Variants in PPP4R3B observed in about 807,000 individuals in gnomAD.
PPP4R3B encodes the protein serine/threonine-protein phosphatase 4 regulatory subunit 3B.
In PPP4R3B, 52 loss-of-function variants were observed where a neutral mutation model predicts 95.4. The ratio of observed to expected loss-of-function variants is 0.54; its 90% CI spans 0.44 to 0.69. The LOEUF (loss-of-function observed/expected upper bound fraction) is 0.69. Among genes scored for constraint, PPP4R3B ranks in the 30% least tolerant of loss-of-function variants. PPP4R3B has a pLI of 0.00. For synonymous variants in PPP4R3B, 407 were observed against 343.9 expected, an observed-to-expected ratio of 1.18 and a Z score of -2.03; for missense variants, 1,003 against 1,005.9, an observed-to-expected ratio of 1.00 and a Z score of 0.04.
Position 55,586,714 on chromosome 2 carries a change from A to G in PPP4R3B, c.1020T>C (p.Phe340=). ...GTTGTAATGTCTGAGAAAATGCACAAAACTCCTTGAAAAAATTAACCTGTA... is the reference window on the plus strand; with the variant it reads ...GTTGTAATGTCTGAGAAAATGCACAGAACTCCTTGAAAAAATTAACCTGTA... ...RRELVNFFKE[F]CAFSQTLQPQ... The change falls in exon 6 of 17, where the codon TTT becomes TTC. Residue 340 remains phenylalanine, a synonymous_variant. Coordinates refer to ENST00000616407, the MANE Select transcript of PPP4R3B (RefSeq NM_001122964.3). 1.9e-6 allele frequency: 3 copies of G among 1,599,342 alleles called. No homozygotes were observed. The highest frequency in any genetic ancestry group is 2.6e-6 in the Non-Finnish European group (3 of 1,174,540).
chr2:55,604,197 C>A (rs1693067621), intron 2 of PPP4R3B, 121 bp from the exon 3 acceptor site: 1 of 548,278 alleles, frequency 1.8e-6, no homozygotes. Context: ...TATGAGTAAT[C>A]AATGTATATC....
At chr2:55,556,092 G>C (rs956620817) in intron 16 of PPP4R3B, among the ~76,000 whole-genome samples, 2 of 152,150 alleles carry the variant, frequency 1.3e-5, no homozygotes, top group African/African-American at 2.4e-5. Context: ...TAAACCAAAG[G>C]GCAATTGGTG....
Position 55,550,002 on chromosome 2 carries a change from C to T in PPP4R3B, c.2459G>A (p.Ser820Asn). The T allele has an allele frequency of 6.2e-7, 1 of 1,601,620 alleles. No individual in the cohort carries two copies. The highest frequency in any genetic ancestry group is 8.5e-7 in the Non-Finnish European group (1 of 1,177,026). ...LPTSVTATKG[S>N]LVGLVDYPDD... is the part of the protein sequence containing the mutation. ...TGGATAATCCACTAAGCCAACCAAA[C>T]TTCCCTATTGAAGAATTTAAAAATT... is the stretch of plus-strand genomic sequence containing the variant. Residue 820 changes from serine to asparagine, a missense_variant, in exon 17 of 17, where the codon AGT becomes AAT. Coordinates refer to ENST00000616407, the MANE Select transcript of PPP4R3B (RefSeq NM_001122964.3).
intron 2 of PPP4R3B, 116 bp from the exon 3 acceptor site, chr2:55,604,192 G>T: frequency 1.6e-6 from 1 of 610,360 alleles, no homozygotes; most frequent in Non-Finnish European, 2.7e-6. Flanking sequence ...CCCGATATGA[G>T]TAATCAATGT....
intron 16 of PPP4R3B, among the ~76,000 whole-genome samples, chr2:55,552,802 T>C (rs960148538): frequency 5.3e-5 from 8 of 152,178 alleles, no homozygotes; most frequent in Admixed American, 1.3e-4. Context: ...AACAGCAGTT[T>C]AGAGTTGCCA....
chr2:55,592,056 A>C (rs1691104768), intron 4 of PPP4R3B, among the ~76,000 whole-genome samples: 1 of 152,216 alleles, frequency 6.6e-6, no homozygotes, highest in Non-Finnish European at 1.5e-5. Context: ...TGGGGAAAAA[A>C]AGAGGTTGCT....
intron 11 of PPP4R3B, among the ~76,000 whole-genome samples, chr2:55,575,400 A>G (rs1005557649): frequency 2.0e-4 from 30 of 152,194 alleles, no homozygotes; most frequent in Admixed American, 1.4e-3. Flanking sequence ...AAGGGCTCAC[A>G]TGGACAATCA....
In PPP4R3B at chr2:55,604,096, T is replaced by G; in HGVS notation, c.199-20A>C. On this transcript the variant is annotated intron_variant, in intron 2 of 16. Transcript: ENST00000616407. ...TGTATCCTGTTTAAAAATAAATATT[T>G]CCATATCATCACACTAGAAAAGAGG... The G allele has an allele frequency of 1.3e-6, 2 of 1,557,400 alleles. No individual in the cohort carries two copies. The highest frequency in any genetic ancestry group is 1.8e-6 in the Non-Finnish European group (2 of 1,142,540).
rs1257757566 is a variant in PPP4R3B at position 55,575,592 on chromosome 2, T to C, written c.1606+1723A>G. ...TCCCTAGTAGCTGGGACCACAGGGA[T>C]ATACCACCATGCCCAGTATATTTTT... On this transcript the variant is annotated intron_variant, in intron 11 of 16. Transcript: ENST00000616407. Among the ~76,000 whole-genome samples, 5 of 152,188 alleles carry C rather than the reference T, an allele frequency of 3.3e-5. No individual in the cohort carries two copies. The East Asian group carries it at 7.8e-4, about 24-fold the overall frequency.
intron 16 of PPP4R3B, among the ~76,000 whole-genome samples, chr2:55,550,386 C>G (rs112578358): frequency 3.2e-4 from 48 of 152,238 alleles, no homozygotes; most frequent in African/African-American, 1.1e-3. Flanking sequence ...CAAGAAAGCC[C>G]CTTGTAGTCT....
At chr2:55,606,364 A>G (rs182205732) in intron 2 of PPP4R3B, among the ~76,000 whole-genome samples, 5 of 152,310 alleles carry the variant, frequency 3.3e-5, no homozygotes, top group Admixed American at 6.5e-5. Context: ...ATACCCAAAC[A>G]TAACAGTGGA....
In PPP4R3B at chr2:55,549,881, C is replaced by G; in HGVS notation, c.*30G>C. On this transcript the variant is annotated 3_prime_UTR_variant, in exon 17 of 17. Coordinates refer to ENST00000616407, the MANE Select transcript of PPP4R3B (RefSeq NM_001122964.3). The stretch of plus-strand genomic sequence containing the variant: ...ACTGAACAGTTGCAGCATTGTAAGA[C>G]CACATGTTGAGGGTCCCCTAATAAA... 6.6e-7 allele frequency: 1 copy of G among 1,504,900 alleles called. No homozygotes were observed. The allele number at this position is 1,504,900 out of a possible 1,614,324, so 93.2% of individuals were successfully genotyped here. A position where few individuals can be genotyped will look rare whatever the true frequency, so the allele number is the denominator to read the frequency against.
intron 4 of PPP4R3B, among the ~76,000 whole-genome samples, chr2:55,594,635 T>G (rs979970980): frequency 2.6e-5 from 4 of 152,192 alleles, no homozygotes; most frequent in African/African-American, 9.7e-5. Context: ...AAACAGTCAT[T>G]TGAAAGCTAC....
intron 16 of PPP4R3B, among the ~76,000 whole-genome samples, chr2:55,555,293 A>AAG (rs1361260172): frequency 6.6e-6 from 1 of 150,986 alleles, no homozygotes; most frequent in African/African-American, 2.4e-5. Flanking sequence ...AAAAAAAAAA[A>AAG]AAAAGAAAGA....
In PPP4R3B at chr2:55,547,650, G is replaced by T. The variant is rs190197104; in HGVS notation, c.*2261C>A. 151 of 152,280 alleles carry T rather than the reference G, an allele frequency of 9.9e-4. 1 individual carries two copies. Among genetic ancestry groups the T allele is most frequent in the African/African-American group, 3.0e-3 (124 of 41,566 alleles). The allele number at this position is 152,280 out of a possible 1,614,324, so 9.4% of individuals were successfully genotyped here. ...AAGACTTATGGCAGCTCTTCAGAAA[G>T]AAAAAGGAAGTCTTCATAAGATACA... On this transcript the variant is annotated 3_prime_UTR_variant, in exon 17 of 17. Coordinates refer to ENST00000616407, the MANE Select transcript of PPP4R3B (RefSeq NM_001122964.3).
intron 13 of PPP4R3B, among the ~76,000 whole-genome samples, chr2:55,567,558 G>C (rs6737077): frequency 2.4e-4 from 37 of 152,204 alleles, no homozygotes; most frequent in African/African-American, 8.4e-4. Context: ...TGGGACTACA[G>C]GCGTGTGCCA....
intron 12 of PPP4R3B, among the ~76,000 whole-genome samples, chr2:55,573,295 TAA>T (rs1242061828): frequency 6.6e-6 from 1 of 152,134 alleles, no homozygotes; most frequent in Non-Finnish European, 1.5e-5. Context: ...AGGATAATTA[TAA>T]AGAGTGACTG....
At chr2:55,569,429 T>G (rs1277257092) in intron 12 of PPP4R3B, among the ~76,000 whole-genome samples, 6 of 152,222 alleles carry the variant, frequency 3.9e-5, no homozygotes, top group African/African-American at 1.4e-4. Context: ...TGTTTCCCTG[T>G]GATGCTGTGC....
chr2:55,577,158 A>C (rs1688794426), intron 11 of PPP4R3B, among the ~76,000 whole-genome samples, 157 bp downstream of exon 11: 1 of 152,192 alleles, frequency 6.6e-6, no homozygotes, highest in African/African-American at 2.4e-5. Context: ...TTCTATTTTT[A>C]ATATTGGAGA....
Sources: allele counts gnomAD v4.1 joint callset (sites outside exome capture counted in the v4.1 genomes callset), GRCh38; gene constraint gnomAD v4.1.1; transcripts MANE v1.5; gene names NCBI Gene and HGNC (gene_info 2026-07-23, HGNC 2026-07-21).